THSD4: variants seen among roughly 807,000 people sequenced by gnomAD.
The protein encoded by THSD4 is thrombospondin type 1 domain containing 4.
In THSD4, 69 loss-of-function variants were observed where a neutral mutation model predicts 119.0. The observed-to-expected ratio is 0.58, with a 90% CI of 0.48 to 0.71. THSD4 has a LOEUF of 0.71. Ranked by LOEUF, THSD4 falls within the 30% of genes least tolerant of loss-of-function variation. The probability of loss-of-function intolerance (pLI) is 0.00; values close to 1 mark genes in which losing one functional copy is unlikely to be tolerated. For synonymous variants in THSD4, 524 were observed against 540.4 expected (o/e 0.97, Z 0.42); for missense variants, 1,393 against 1,391.1 (o/e 1.00, Z -0.02).
intron 6 of THSD4, among the ~76,000 whole-genome samples, chr15:71,392,576 A>G (rs1468215244): frequency 6.6e-6 from 1 of 152,186 alleles, no homozygotes; most frequent in African/African-American, 2.4e-5. Context: ...AGGCCTAACC[A>G]TCATCCTTCC....
At chr15:71,409,164 C>CA (rs1401523846) in intron 6 of THSD4, among the ~76,000 whole-genome samples, 35 of 146,916 alleles carry the variant, frequency 2.4e-4, no homozygotes, top group Admixed American at 4.8e-4. Context: ...TTCCCCCCCC[C>CA]TCAGAATGTT....
intron 3 of THSD4, among the ~76,000 whole-genome samples, chr15:71,207,626 G>A (rs570549522): frequency 1.4e-3 from 210 of 152,312 alleles, no homozygotes; most frequent in African/African-American, 4.6e-3. Context: ...GGTGAGCGGC[G>A]GGTCAGCGGG....
At chr15:71,206,164 A>G (rs1470004988) in intron 3 of THSD4, among the ~76,000 whole-genome samples, 1 of 152,102 alleles carries the variant, frequency 6.6e-6, no homozygotes, top group African/African-American at 2.4e-5. Context: ...AGTGTGCACC[A>G]CCACGCCTGG....
intron 6 of THSD4, among the ~76,000 whole-genome samples, chr15:71,297,910 A>G (rs2044888304): frequency 6.6e-6 from 1 of 152,116 alleles, no homozygotes; most frequent in African/African-American, 2.4e-5. Flanking sequence ...TTGTCTTTTC[A>G]CTTTCTTGAT....
intron 6 of THSD4, among the ~76,000 whole-genome samples, chr15:71,296,291 C>G (rs1439230807): frequency 6.6e-6 from 1 of 152,166 alleles, no homozygotes; most frequent in African/African-American, 2.4e-5. Flanking sequence ...TAAGGGTTAC[C>G]CTCTGGAGAG....
At chr15:71,135,340 G>A (rs1280396698) in intron 1 of THSD4, among the ~76,000 whole-genome samples, 1 of 138,644 alleles carries the variant, frequency 7.2e-6, no homozygotes, top group East Asian at 2.2e-4. Flanking sequence ...ATGTGCACAT[G>A]TACCCTAAAA....
intron 7 of THSD4, among the ~76,000 whole-genome samples, chr15:71,487,188 CCTTT>C (rs2047836055): frequency 6.6e-6 from 1 of 152,188 alleles, no homozygotes; most frequent in Non-Finnish European, 1.5e-5. Context: ...TTGGGATTTC[CCTTT>C]CTTATTCTGA....
intron 6 of THSD4, among the ~76,000 whole-genome samples, chr15:71,367,217 CTTT>C (rs565677357): frequency 7.2e-6 from 1 of 138,754 alleles, no homozygotes; most frequent in Non-Finnish European, 1.5e-5. Flanking sequence ...GCTAGGCTCT[CTTT>C]TTTTTTTTTA....
chr15:71,423,235 C>G (rs2046830583), intron 7 of THSD4, among the ~76,000 whole-genome samples: 1 of 152,170 alleles, frequency 6.6e-6, no homozygotes, highest in African/African-American at 2.4e-5. Context: ...TTTACTCTTC[C>G]CTCTGCTTTT....
intron 4 of THSD4, among the ~76,000 whole-genome samples, chr15:71,236,669 A>G (rs978337535): frequency 6.6e-6 from 1 of 152,242 alleles, no homozygotes; most frequent in Middle Eastern, 3.2e-3. Context: ...TCTAGGGTCA[A>G]TTAACTGAGC....
intron 7 of THSD4, among the ~76,000 whole-genome samples, chr15:71,526,017 G>A (rs1440338981): frequency 1.3e-5 from 2 of 152,114 alleles, no homozygotes; most frequent in Non-Finnish European, 2.9e-5. Context: ...GACCCTATTC[G>A]GTTACATCTG....
intron 6 of THSD4, among the ~76,000 whole-genome samples, chr15:71,314,273 T>C (rs2045155234): frequency 6.6e-6 from 1 of 152,156 alleles, no homozygotes; most frequent in South Asian, 2.1e-4. Context: ...ATATTAATTT[T>C]GATAAGTTAC....
intron 7 of THSD4, among the ~76,000 whole-genome samples, chr15:71,472,317 T>A (rs1239177271): frequency 1.3e-5 from 2 of 152,246 alleles, no homozygotes; most frequent in African/African-American, 4.8e-5. Flanking sequence ...AAGAGTCAAA[T>A]ATTTAAATGC....
chr15:71,392,028 G>T (rs79978128), intron 6 of THSD4, among the ~76,000 whole-genome samples: 3,383 of 152,208 alleles, frequency 0.022, 120 homozygotes, highest in African/African-American at 0.078. Flanking sequence ...TTTTAACTTG[G>T]CCATGTTTCT....
At chr15:71,453,373 C>A (rs575593205) in intron 7 of THSD4, among the ~76,000 whole-genome samples, 1 of 152,186 alleles carries the variant, frequency 6.6e-6, no homozygotes, top group Non-Finnish European at 1.5e-5. Flanking sequence ...TGCTGTCAGA[C>A]CCTTCTGTCT....
chr15:71,359,336 A>T (rs192756420), intron 6 of THSD4, among the ~76,000 whole-genome samples: 18 of 152,284 alleles, frequency 1.2e-4, no homozygotes, highest in Admixed American at 7.2e-4. Context: ...TTCTCCCTCT[A>T]TTGATATAGT....
chr15:71,678,434 A>G (rs12050630), intron 8 of THSD4, among the ~76,000 whole-genome samples: 8,484 of 152,222 alleles, frequency 0.056, 284 homozygotes, highest in Middle Eastern at 0.099. Flanking sequence ...CGTGAGCATC[A>G]GAGCTTCAGA....
intron 7 of THSD4, among the ~76,000 whole-genome samples, chr15:71,514,102 A>G (rs749604172): frequency 6.6e-6 from 1 of 152,232 alleles, no homozygotes; most frequent in Non-Finnish European, 1.5e-5. Flanking sequence ...ACTCAGGCCA[A>G]CAGATCTCAG....
intron 5 of THSD4, among the ~76,000 whole-genome samples, chr15:71,251,658 T>C (rs1567170069): frequency 6.6e-6 from 1 of 152,180 alleles, no homozygotes; most frequent in East Asian, 1.9e-4. Context: ...AAAAATTACA[T>C]ATCTGACGCA....
Sources: gnomAD v4.1 joint callset for allele counts (sites outside exome capture counted in the v4.1 genomes callset) on GRCh38, gnomAD v4.1.1 for gene constraint, MANE v1.5 for transcripts, NCBI Gene and HGNC (gene_info 2026-07-23, HGNC 2026-07-21) for gene names.